Variants in GRM5 observed in about 807,000 individuals in gnomAD.
The protein encoded by GRM5 is glutamate metabotropic receptor 5, also known as metabotropic glutamate receptor 5.
Under a neutral mutation model 83.1 loss-of-function variants are expected in GRM5, and 19 were observed. That is an observed-to-expected ratio of 0.23 (90% CI 0.16 to 0.34). The LOEUF is 0.34. GRM5 is among the 10% of genes least tolerant of loss of function. The pLI is 1.00. For synonymous variants in GRM5, 675 were observed against 633.6 expected, an observed-to-expected ratio of 1.07 and a Z score of -0.98; for missense variants, 1,160 against 1,588.3, an observed-to-expected ratio of 0.73 and a Z score of 4.58.
chr11:88,735,031 C>T lies in GRM5; in HGVS notation c.912-81628G>A, dbSNP rs374589526. Among the ~76,000 whole-genome samples the T allele has an allele frequency of 4.9e-4, 75 of 151,908 alleles. 1 individual carries two copies. In the East Asian group the frequency reaches 6.2e-3, roughly 13 times the overall value. On this transcript the variant is annotated intron_variant, in intron 3 of 9. Coordinates refer to ENST00000305447, the MANE Select transcript of GRM5 (RefSeq NM_001143831.3). ...CTAATTTCATCTTATTGAGATTGCA[C>T]ATTTGATTTTTACAATTCAAAATAA...
intron 3 of GRM5, among the ~76,000 whole-genome samples, chr11:88,783,948 GA>G (rs1199361339): frequency 6.6e-6 from 1 of 151,944 alleles, no homozygotes; most frequent in Non-Finnish European, 1.5e-5. Flanking sequence ...GTACAAAGAA[GA>G]AAAAATAATT....
chr11:88,659,899 C>CTTA, intron 3 of GRM5, among the ~76,000 whole-genome samples: 1 of 112,314 alleles, frequency 8.9e-6, no homozygotes, highest in Non-Finnish European at 2.2e-5. Flanking sequence ...TTTCTTTCTT[C>CTTA]ATTTCCTATC....
intron 4 of GRM5, among the ~76,000 whole-genome samples, chr11:88,605,407 TG>T (rs1238003251): frequency 1.4e-4 from 22 of 151,870 alleles, no homozygotes; most frequent in Admixed American, 9.9e-4. Flanking sequence ...TTCCACCATC[TG>T]ATATAAATTT....
At chr11:88,627,501 A>T (rs1403821392) in intron 4 of GRM5, among the ~76,000 whole-genome samples, 1 of 152,122 alleles carries the variant, frequency 6.6e-6, no homozygotes, top group African/African-American at 2.4e-5. Context: ...CTTCATTACC[A>T]CTGCATGTCA....
At chr11:89,011,565 A>C (rs1448591562) in intron 2 of GRM5, among the ~76,000 whole-genome samples, 2 of 152,200 alleles carry the variant, frequency 1.3e-5, no homozygotes, top group Non-Finnish European at 2.9e-5. Context: ...AGAGCTTTGC[A>C]CAAAATTGCC....
chr11:89,042,742 A>C (rs1011234994), intron 2 of GRM5, among the ~76,000 whole-genome samples: 10 of 152,202 alleles, frequency 6.6e-5, no homozygotes, highest in African/African-American at 2.4e-4. Flanking sequence ...TAGAAGTCAA[A>C]CAAGCATATA....
chr11:88,861,293 G>A (rs1436593249), intron 2 of GRM5, among the ~76,000 whole-genome samples: 1 of 152,006 alleles, frequency 6.6e-6, no homozygotes, highest in Non-Finnish European at 1.5e-5. Flanking sequence ...CACAGCACAT[G>A]CTCCAGCCAT....
At chr11:88,913,846 C>T (rs1165845611) in intron 2 of GRM5, among the ~76,000 whole-genome samples, 9 of 152,060 alleles carry the variant, frequency 5.9e-5, no homozygotes, top group African/African-American at 1.9e-4. Context: ...CTCGGCCTCC[C>T]AAAGTGCTAG....
chr11:88,627,592 G>A (rs1938837375), intron 4 of GRM5, among the ~76,000 whole-genome samples: 1 of 152,060 alleles, frequency 6.6e-6, no homozygotes, highest in South Asian at 2.1e-4. Flanking sequence ...ATTTTAAGCA[G>A]AACTCATCTT....
rs770257751 is a variant in GRM5, at chr11:88,941,475, G to GGGAGGGGAGA, written c.662-91330_662-91321dup. Among the ~76,000 whole-genome samples, 36 of 93,744 alleles carry GGGAGGGGAGA rather than the reference G, an allele frequency of 3.8e-4. No individual in the cohort carries two copies. In the East Asian group the frequency reaches 0.011, roughly 29 times the overall value. 61.5% of individuals were successfully genotyped at this position (93,744 alleles called of 152,430 possible). ...GGGAGAAGAGAAGAGAAGAGAAGAG[G>GGGAGGGGAGA]GGAGGGGAGAGGAGGGGAGAGGAGG... is the stretch of plus-strand genomic sequence containing the variant. On this transcript the variant is annotated intron_variant, in intron 2 of 9. Transcript: ENST00000305447.
At chr11:88,578,741 A>G (rs1398428524) in intron 7 of GRM5, among the ~76,000 whole-genome samples, 1 of 152,182 alleles carries the variant, frequency 6.6e-6, no homozygotes, top group African/African-American at 2.4e-5. Context: ...AAGAGTAAGA[A>G]GGCATTTTAG....
At chr11:88,745,877 G>A (rs1373886057) in intron 3 of GRM5, among the ~76,000 whole-genome samples, 1 of 152,100 alleles carries the variant, frequency 6.6e-6, no homozygotes, top group Non-Finnish European at 1.5e-5. Flanking sequence ...CAAGAAGTAG[G>A]CATTTCTGAA....
At chr11:88,655,084 G>T (rs12808911) in intron 3 of GRM5, among the ~76,000 whole-genome samples, 23 of 152,152 alleles carry the variant, frequency 1.5e-4, no homozygotes, top group South Asian at 1.2e-3. Flanking sequence ...ATGACAAAAA[G>T]ATATTAAAAA....
chr11:89,021,431 A>G (rs1940981203), intron 2 of GRM5, among the ~76,000 whole-genome samples: 1 of 152,276 alleles, frequency 6.6e-6, no homozygotes, highest in Admixed American at 6.5e-5. Flanking sequence ...TTGATTCTCA[A>G]GGAAGTTTCC....
chr11:89,049,245 T>C (rs1392827130), intron 1 of GRM5, among the ~76,000 whole-genome samples: 9 of 152,190 alleles, frequency 5.9e-5, no homozygotes, highest in Non-Finnish European at 1.3e-4. Flanking sequence ...AAATTTAGTA[T>C]AGCTATGAAT....
At chr11:88,710,958 T>G (rs1402768655) in intron 3 of GRM5, among the ~76,000 whole-genome samples, 1 of 152,102 alleles carries the variant, frequency 6.6e-6, no homozygotes, top group Non-Finnish European at 1.5e-5. Context: ...GGTATTTATC[T>G]CATTCCCTGG....
intron 6 of GRM5, among the ~76,000 whole-genome samples, chr11:88,593,513 TA>T (rs1441844407): frequency 5.3e-5 from 8 of 151,482 alleles, no homozygotes; most frequent in Non-Finnish European, 1.2e-4. Flanking sequence ...CCGCCTCTAC[TA>T]AAAATACAAA....
intron 2 of GRM5, among the ~76,000 whole-genome samples, chr11:88,875,080 CTG>C (rs1491567039): frequency 1.7e-5 from 1 of 59,212 alleles, no homozygotes; most frequent in East Asian, 1.1e-3. Flanking sequence ...CATGAATTGA[CTG>C]TTTTTTTTTT....
At chr11:88,641,330 C>T (rs1939287581) in intron 4 of GRM5, among the ~76,000 whole-genome samples, 1 of 152,062 alleles carries the variant, frequency 6.6e-6, no homozygotes, top group African/African-American at 2.4e-5. Flanking sequence ...CAAGACCCAC[C>T]TCCAACACTG....
Sources: allele counts gnomAD v4.1 joint callset (sites outside exome capture counted in the v4.1 genomes callset), GRCh38; gene constraint gnomAD v4.1.1; transcripts MANE v1.5; gene names NCBI Gene and HGNC (gene_info 2026-07-23, HGNC 2026-07-21).